SLC49A4: variants seen among roughly 807,000 people sequenced by gnomAD.
The protein encoded by SLC49A4 is disrupted in renal cancer protein 2.
A neutral mutation model predicts 50.6 loss-of-function variants in SLC49A4; 36 were observed. The ratio of observed to expected loss-of-function variants is 0.71; its 90% CI spans 0.55 to 0.94. The LOEUF is 0.94. SLC49A4 is among the 40% of genes least tolerant of loss of function. The pLI is 0.00. For synonymous variants in SLC49A4, 248 were observed against 241.2 expected (o/e 1.03, Z -0.26); for missense variants, 503 against 605.7 (o/e 0.83, Z 1.78).
intron 6 of SLC49A4, among the ~76,000 whole-genome samples, chr3:122,856,694 G>A (rs1011029855): frequency 6.6e-5 from 10 of 152,048 alleles, no homozygotes; most frequent in African/African-American, 1.9e-4. Flanking sequence ...AAATTACCTG[G>A]GTGTGGTGAT....
intron 2 of SLC49A4, among the ~76,000 whole-genome samples, chr3:122,825,496 C>T (rs557436365): frequency 4.6e-5 from 7 of 151,818 alleles, no homozygotes; most frequent in Non-Finnish European, 1.0e-4. Context: ...CATAACGAAG[C>T]TATGGGCAGC....
Position 122,795,070 on chromosome 3 carries a change from G to T in SLC49A4, c.-123G>T. Reference sequence around the variant, plus strand: ...GGGCCGCGCAGGCGCACCAGGCGCGGTCCGGAGGCCGAGGGCGACCACAGC... The same window carrying T: ...GGGCCGCGCAGGCGCACCAGGCGCGTTCCGGAGGCCGAGGGCGACCACAGC... On this transcript the variant is annotated 5_prime_UTR_variant, in exon 1 of 9. Coordinates refer to ENST00000261038, the MANE Select transcript of SLC49A4 (RefSeq NM_032839.3). 8.6e-7 allele frequency: 1 copy of T among 1,158,202 alleles called. No individual in the cohort carries two copies. The highest frequency in any genetic ancestry group is 3.3e-5 in the East Asian group (1 of 30,044). 71.7% of individuals were successfully genotyped at this position (1,158,202 alleles called of 1,614,324 possible). A position where few individuals can be genotyped will look rare whatever the true frequency, so the allele number is the denominator to read the frequency against.
chr3:122,807,045 G>T, intron 2 of SLC49A4, 95 bp downstream of exon 2: 1 of 672,470 alleles, frequency 1.5e-6, no homozygotes, highest in South Asian at 2.0e-5. Flanking sequence ...TTATAGAAGC[G>T]TTTATTTTTT....
chr3:122,825,048 T>C (rs1400070077), intron 2 of SLC49A4, among the ~76,000 whole-genome samples: 2 of 152,166 alleles, frequency 1.3e-5, no homozygotes, highest in African/African-American at 4.8e-5. Flanking sequence ...TCCTGCTTTC[T>C]TATCAGTCTT....
At chr3:122,811,358 T>C (rs960200922) in intron 2 of SLC49A4, among the ~76,000 whole-genome samples, 4 of 152,160 alleles carry the variant, frequency 2.6e-5, no homozygotes, top group Admixed American at 6.5e-5. Flanking sequence ...TTCGTCATAA[T>C]TAAATAAATG....
chr3:122,853,466 A>C (rs1382256896), intron 5 of SLC49A4, among the ~76,000 whole-genome samples: 1 of 152,162 alleles, frequency 6.6e-6, no homozygotes, highest in Non-Finnish European at 1.5e-5. Flanking sequence ...CATTTAAATG[A>C]TACTGATTTT....
chr3:122,800,127 AAAAAAAG>A lies in SLC49A4; in HGVS notation c.343+4605_343+4611del, dbSNP rs1219752806. On this transcript the variant is annotated intron_variant, in intron 1 of 8. Transcript: ENST00000261038. ...GGTTCAAGCTCATTCTTATTGGTTAAAAAAAAGAAAAAAGAAAAATATAAAAAGTGTC... is the reference window on the plus strand; with the variant it reads ...GGTTCAAGCTCATTCTTATTGGTTAAAAAAAAGAAAAATATAAAAAGTGTC... 3.9e-5 allele frequency among the ~76,000 whole-genome samples: 6 copies of A among 152,150 alleles called. No individual in the cohort carries two copies. In the South Asian group the frequency reaches 8.3e-4, roughly 21 times the overall value.
intron 3 of SLC49A4, among the ~76,000 whole-genome samples, chr3:122,829,911 T>C (rs566936910): frequency 3.9e-4 from 59 of 152,328 alleles, no homozygotes; most frequent in Admixed American, 9.2e-4. Context: ...TAGTAAAGAA[T>C]ATCTCTGTTG....
At chr3:122,873,272 C>T (rs1194070019) in intron 8 of SLC49A4, among the ~76,000 whole-genome samples, 1 of 152,056 alleles carries the variant, frequency 6.6e-6, no homozygotes, top group South Asian at 2.1e-4. Context: ...CTCTGCCTCC[C>T]GGGCTAAAGC....
At position 122,795,310 on chromosome 3, in the gene SLC49A4, G is replaced by A; in HGVS notation, c.118G>A (p.Ala40Thr). The A allele has an allele frequency of 6.8e-7, 1 of 1,471,080 alleles. No individual in the cohort carries two copies. The highest frequency in any genetic ancestry group is 8.9e-7 in the Non-Finnish European group (1 of 1,123,972). 91.1% of individuals were successfully genotyped at this position (1,471,080 alleles called of 1,614,324 possible). ...REAAAAALPA[A>T]VPGPGRVYGR... ...GGCGGCGGCGGCGGCGCTGCCCGCGGCGGTCCCGGGTCCCGGGCGGGTATA... is the reference window on the plus strand; with the variant it reads ...GGCGGCGGCGGCGGCGCTGCCCGCGACGGTCCCGGGTCCCGGGCGGGTATA... Residue 40 changes from alanine to threonine, a missense_variant, in exon 1 of 9, where the codon GCG becomes ACG. By Grantham distance (58) the Ala-to-Thr change is moderately conservative. Coordinates refer to ENST00000261038, the MANE Select transcript of SLC49A4 (RefSeq NM_032839.3).
At chr3:122,815,545 G>A (rs557719837) in intron 2 of SLC49A4, among the ~76,000 whole-genome samples, 80 of 152,320 alleles carry the variant, frequency 5.3e-4, no homozygotes, top group Non-Finnish European at 1.0e-3. Context: ...TAAATAGGCA[G>A]AGACAGTTAG....
intron 4 of SLC49A4, among the ~76,000 whole-genome samples, chr3:122,843,046 C>T (rs1457120354): frequency 6.6e-6 from 1 of 152,126 alleles, no homozygotes; most frequent in Non-Finnish European, 1.5e-5. Context: ...TCTCCCATTT[C>T]CCTCCCCCAA....
At position 122,795,328 on chromosome 3, in the gene SLC49A4, CG is replaced by C. The variant is rs1936003079; in HGVS notation, c.139del (p.Val47TyrfsTer72). ...ALPAAVPGPGRVYGRRWLVLL... is the reference protein window; with the variant it reads ...ALPAAVPGPGXVYGRRWLVLL... The stretch of plus-strand genomic sequence containing the variant: ...GCCCGCGGCGGTCCCGGGTCCCGGG[CG>C]GGTATACGGGCGCCGCTGGCTGGTG... On this transcript the variant is annotated frameshift_variant, in exon 1 of 9. Coordinates refer to ENST00000261038, the MANE Select transcript of SLC49A4 (RefSeq NM_032839.3). LOFTEE classifies it high-confidence loss of function. 6.6e-7 allele frequency: 1 copy of C among 1,517,902 alleles called. No homozygotes were observed. Among genetic ancestry groups the C allele is most frequent in the Admixed American group, 2.3e-5 (1 of 43,022 alleles). 94.0% of individuals were successfully genotyped at this position (1,517,902 alleles called of 1,614,324 possible).
chr3:122,801,232 T>G (rs1936123554), intron 1 of SLC49A4, among the ~76,000 whole-genome samples: 2 of 152,226 alleles, frequency 1.3e-5, no homozygotes, highest in African/African-American at 2.4e-5. Context: ...ATTCCGTATT[T>G]AATCAATAAT....
At chr3:122,836,210 G>A (rs1271869920) in intron 4 of SLC49A4, among the ~76,000 whole-genome samples, 1 of 152,140 alleles carries the variant, frequency 6.6e-6, no homozygotes, top group Admixed American at 6.5e-5. Flanking sequence ...ATGAAGGGTT[G>A]TTGAATTTTG....
At chr3:122,864,159 C>A (rs1039633055) in intron 7 of SLC49A4, among the ~76,000 whole-genome samples, 2 of 152,208 alleles carry the variant, frequency 1.3e-5, no homozygotes, top group Non-Finnish European at 2.9e-5. Flanking sequence ...CAGTCTATCC[C>A]AGAGCATACT....
At chr3:122,838,168 G>C (rs1936717565) in intron 4 of SLC49A4, among the ~76,000 whole-genome samples, 1 of 152,036 alleles carries the variant, frequency 6.6e-6, no homozygotes, top group East Asian at 1.9e-4. Context: ...CAGGGATCTA[G>C]AACTAGAAAT....
chr3:122,843,635 A>G (rs1936806240), intron 4 of SLC49A4, among the ~76,000 whole-genome samples: 2 of 152,176 alleles, frequency 1.3e-5, no homozygotes, highest in African/African-American at 2.4e-5. Flanking sequence ...TTTCCTTAAC[A>G]TGGCTCTTTG....
chr3:122,821,508 C>G (rs985080214), intron 2 of SLC49A4, among the ~76,000 whole-genome samples: 22 of 152,210 alleles, frequency 1.4e-4, no homozygotes, highest in African/African-American at 4.8e-4. Context: ...TCTCTCACAG[C>G]TTGACCTGCA....
Sources: allele counts gnomAD v4.1 joint callset (sites outside exome capture counted in the v4.1 genomes callset), GRCh38; gene constraint gnomAD v4.1.1; transcripts MANE v1.5; gene names NCBI Gene and HGNC (gene_info 2026-07-23, HGNC 2026-07-21).